BRF1: variants seen among roughly 807,000 people sequenced by gnomAD.
BRF1 encodes the protein transcription factor IIIB 90 kDa subunit.
A neutral mutation model predicts 81.7 loss-of-function variants in BRF1; 59 were observed. That is an observed-to-expected ratio of 0.72 (90% CI 0.59 to 0.90). The LOEUF (loss-of-function observed/expected upper bound fraction) is 0.90, where lower values mean the gene tolerates loss of function less well. BRF1 is among the 40% of genes least tolerant of loss of function. BRF1 has a pLI of 0.00. For synonymous variants in BRF1, 491 were observed against 395.6 expected (o/e 1.24, Z -2.86); for missense variants, 1,050 against 936.3 (o/e 1.12, Z -1.58).
intron 1 of BRF1, among the ~76,000 whole-genome samples, chr14:105,294,401 C>T (rs1331946031): frequency 2.6e-5 from 4 of 152,248 alleles, no homozygotes; most frequent in Admixed American, 2.6e-4. Context: ...CCTCCCCCGG[C>T]AGGGCACAGT....
At position 105,209,723 on chromosome 14, in the gene BRF1, C is replaced by T. The variant is rs1355200861; in HGVS notation, c.*828G>A. The T allele has an allele frequency of 1.6e-6, 1 of 614,690 alleles. No homozygotes were observed. 38.1% of individuals were successfully genotyped at this position (614,690 alleles called of 1,614,324 possible). ...CTCTGTCCACGGGGAACTCCCAGCG[C>T]CAGGACACTATGCAGGCTATGCCCG... On this transcript the variant is annotated 3_prime_UTR_variant, in exon 18 of 18. Coordinates refer to ENST00000547530, the MANE Select transcript of BRF1 (RefSeq NM_001519.4).
Position 105,210,033 on chromosome 14 carries a change from C to A in BRF1, c.*518G>T. ...GCTGCTGCCTCTCAAGTGCCAGATC[C>A]TCAGCTCCCACGGCTGCGCCGGACA... On this transcript the variant is annotated 3_prime_UTR_variant, in exon 18 of 18. Transcript: ENST00000547530. The surrounding 1 kb of genome is among the most constrained non-coding windows in gnomAD (Gnocchi z 4.7). 4.3e-6 allele frequency: 1 copy of A among 233,060 alleles called. No individual in the cohort carries two copies. Among genetic ancestry groups the A allele is most frequent in the Non-Finnish European group, 8.3e-6 (1 of 119,882 alleles). The allele number at this position is 233,060 out of a possible 1,614,324, so 14.4% of individuals were successfully genotyped here. A position where few individuals can be genotyped will look rare whatever the true frequency, so the allele number is the denominator to read the frequency against.
At chr14:105,260,501 A>G (rs1220910560) in intron 3 of BRF1, among the ~76,000 whole-genome samples, 1 of 151,854 alleles carries the variant, frequency 6.6e-6, no homozygotes, top group Non-Finnish European at 1.5e-5. Context: ...CCTCCCAAGT[A>G]GCTTGGACTA....
At chr14:105,287,683 A>C (rs1474833892) in intron 1 of BRF1, among the ~76,000 whole-genome samples, 1 of 152,242 alleles carries the variant, frequency 6.6e-6, no homozygotes, top group Non-Finnish European at 1.5e-5. Context: ...CCACCAGCAC[A>C]GACAAGGCAG....
At chr14:105,256,601 G>A (rs771010539) in intron 3 of BRF1, 52 bp from the exon 4 acceptor site, 62 of 1,602,184 alleles carry the variant, frequency 3.9e-5, no homozygotes, top group African/African-American at 2.7e-5. Context: ...CAGGTTACTC[G>A]CCCACCTTCA....
chr14:105,272,552 G>A (rs2056703255), intron 3 of BRF1, among the ~76,000 whole-genome samples, 169 bp downstream of exon 3: 1 of 152,210 alleles, frequency 6.6e-6, no homozygotes, highest in Non-Finnish European at 1.5e-5. Context: ...AGTAAAAGGA[G>A]ACCCCAAATT....
At chr14:105,265,069 G>GTTT (rs2056348813) in intron 3 of BRF1, among the ~76,000 whole-genome samples, 3 of 126,620 alleles carry the variant, frequency 2.4e-5, no homozygotes, top group South Asian at 2.6e-4. Flanking sequence ...TTTTTTGTTT[G>GTTT]TTTGTTTTTT....
Position 105,315,083 on chromosome 14 carries a change from G to C in BRF1, c.-162+239C>G, listed in dbSNP as rs963128443. The C allele has an allele frequency of 2.9e-5, 31 of 1,073,438 alleles. No individual in the cohort carries two copies. The African/African-American group carries it at 5.3e-4, about 18-fold the overall frequency. 66.5% of individuals were successfully genotyped at this position (1,073,438 alleles called of 1,614,324 possible). ...TTTGTTCCCGCCGGGCACCTGCTGG[G>C]GGTGTCCTGGCCGCGGCCTCTGCGC... On this transcript the variant is annotated intron_variant, in intron 1 of 17. Coordinates refer to the BRF1 transcript ENST00000327359. The surrounding 1 kb of genome is among the most constrained non-coding windows in gnomAD (Gnocchi z 4.4).
At position 105,256,772 on chromosome 14, in the gene BRF1, T is replaced by C. The variant is rs587772307; in HGVS notation, c.440-223A>G. On this transcript the variant is annotated intron_variant, in intron 3 of 17. Transcript: ENST00000547530. ...GCCCCAGGCACAAGTGAGACTTCTG[T>C]GAACCCAGTACCAGGACAAGGGACT... 2.0e-5 allele frequency among the ~76,000 whole-genome samples: 3 copies of C among 152,242 alleles called. No individual in the cohort carries two copies. In the East Asian group the frequency reaches 5.8e-4, roughly 29 times the overall value.
intron 10 of BRF1, chr14:105,222,290 A>G (rs1892404370): frequency 5.2e-6 from 1 of 192,358 alleles, no homozygotes; most frequent in Admixed American, 6.3e-5. Flanking sequence ...TAAGACAATG[A>G]AGACAGCCCA....
intron 1 of BRF1, among the ~76,000 whole-genome samples, chr14:105,296,523 A>C (rs953416706): frequency 6.6e-6 from 1 of 150,830 alleles, no homozygotes; most frequent in Non-Finnish European, 1.5e-5. Flanking sequence ...AAAAAAAAAA[A>C]CAAAAAACTT....
chr14:105,245,318 G>T (rs1385859388), intron 5 of BRF1, among the ~76,000 whole-genome samples: 1 of 152,044 alleles, frequency 6.6e-6, no homozygotes, highest in East Asian at 1.9e-4. Flanking sequence ...CTGAGATCGT[G>T]CCACTGCACT....
intron 5 of BRF1, among the ~76,000 whole-genome samples, chr14:105,251,776 GAA>G (rs1346666530): frequency 6.6e-6 from 1 of 151,992 alleles, no homozygotes; most frequent in East Asian, 1.9e-4. Context: ...GCTTGGTAAA[GAA>G]AGGGTAGGTC....
At chr14:105,286,470 C>T (rs1279538747) in intron 1 of BRF1, 94 bp from the exon 2 acceptor site, 25 of 1,308,690 alleles carry the variant, frequency 1.9e-5, no homozygotes, top group South Asian at 5.0e-5. Flanking sequence ...GAGAACAAAG[C>T]GGGGGTCAGC....
chr14:105,301,684 C>G (rs913475258), upstream of BRF1, among the ~76,000 whole-genome samples: 1 of 152,252 alleles, frequency 6.6e-6, no homozygotes, highest in Admixed American at 6.5e-5. Flanking sequence ...AAAATTCCCA[C>G]TTTCTAGCAG....
Position 105,209,608 on chromosome 14 carries a change from G to A in BRF1, c.*943C>T. The stretch of plus-strand genomic sequence containing the variant: ...TGGTACTGGGGCCTTCCCACGAAGA[G>A]GCCTGGGGAGGCTCTCGGGCCTCCG... On this transcript the variant is annotated 3_prime_UTR_variant, in exon 18 of 18. Coordinates refer to ENST00000547530, the MANE Select transcript of BRF1 (RefSeq NM_001519.4). The A allele has an allele frequency of 1.4e-6, 1 of 700,232 alleles. No homozygotes were observed. Among genetic ancestry groups the A allele is most frequent in the Non-Finnish European group, 2.6e-6 (1 of 383,330 alleles). 43.4% of individuals were successfully genotyped at this position (700,232 alleles called of 1,614,324 possible).
chr14:105,249,587 C>A, intron 5 of BRF1: 3 of 1,585,890 alleles, frequency 1.9e-6, no homozygotes, highest in African/African-American at 1.3e-5. Flanking sequence ...CAGGCCCAGC[C>A]CCGCGATGGG....
chr14:105,284,628 G>A lies in BRF1; in HGVS notation c.265+1668C>T, dbSNP rs948566912. 6.6e-6 allele frequency among the ~76,000 whole-genome samples: 1 copy of A among 152,182 alleles called. No homozygotes were observed. The highest frequency in any genetic ancestry group is 2.4e-5 in the African/African-American group (1 of 41,442). ...TCACGTGGTCCTCAGGTTCCTGAGA[G>A]TGTACTCAATGAAACAGTGAAGCCA... is the stretch of plus-strand genomic sequence containing the variant. On this transcript the variant is annotated intron_variant, in intron 2 of 17. Coordinates refer to ENST00000547530, the MANE Select transcript of BRF1 (RefSeq NM_001519.4). This position sits in a 1 kb window ranked among gnomAD's most constrained non-coding sequence, Gnocchi z 4.0.
intron 7 of BRF1, among the ~76,000 whole-genome samples, chr14:105,228,589 G>A (rs115342419): frequency 0.016 from 2,374 of 151,550 alleles, 69 homozygotes; most frequent in African/African-American, 0.055. Flanking sequence ...GGATGCCTCC[G>A]CAGGATAGGG....
Sources: gnomAD v4.1 joint callset for allele counts (sites outside exome capture counted in the v4.1 genomes callset) on GRCh38, gnomAD v4.1.1 for gene constraint, Gnocchi (gnomAD v3.1) non-coding constraint, MANE v1.5 for transcripts, NCBI Gene and HGNC (gene_info 2026-07-23, HGNC 2026-07-21) for gene names.